Variants in ARHGEF40 observed in about 807,000 individuals in gnomAD.
ARHGEF40 encodes the protein Rho guanine nucleotide exchange factor (GEF) 40.
ARHGEF40 carries 98 observed loss-of-function variants against 165.9 expected under a neutral mutation model. That is an observed-to-expected ratio of 0.59 (90% confidence interval 0.50 to 0.70). The LOEUF (loss-of-function observed/expected upper bound fraction) is 0.70. Among genes scored for constraint, ARHGEF40 ranks in the 30% least tolerant of loss-of-function variants. The pLI, the probability that ARHGEF40 is intolerant of heterozygous loss-of-function variation, is 0.00. For synonymous variants in ARHGEF40, 792 were observed against 814.3 expected (o/e 0.97, Z 0.47); for missense variants, 1,815 against 1,968.0 (o/e 0.92, Z 1.47).
rs79674459 is a variant in ARHGEF40, at chr14:21,084,268, G to A, written c.3789+218G>A. On this transcript the variant is annotated intron_variant, in intron 17 of 23. Transcript: ENST00000298694. ...TATGTCCTCCCAACATCCCATGTTC[G>A]TACATCTGCCTTGTACTCTCCTGTT... Among the ~76,000 whole-genome samples, 1,054 of 152,226 alleles carry A rather than the reference G, an allele frequency of 6.9e-3. 10 individuals carry two copies. Among genetic ancestry groups the A allele is most frequent in the African/African-American group, 0.024 (977 of 41,530 alleles).
At position 21,088,021 on chromosome 14, in the gene ARHGEF40, C is replaced by G; in HGVS notation, c.4441C>G (p.Pro1481Ala). 1.2e-6 allele frequency: 2 copies of G among 1,614,086 alleles called. No homozygotes were observed. Among genetic ancestry groups the G allele is most frequent in the East Asian group, 4.5e-5 (2 of 44,870 alleles). ...GDVSPGPRNS[P>A]SLQPPHPGSS... is the part of the protein sequence containing the mutation. ...TGTGTCCCCAGGACCAAGAAACAGCCCCAGCCTGCAACCCCCCCACCCTGG... is the reference window on the plus strand; with the variant it reads ...TGTGTCCCCAGGACCAAGAAACAGCGCCAGCCTGCAACCCCCCCACCCTGG... The change falls in exon 22 of 24, where the codon CCC (proline) becomes GCC (alanine). Residue 1481 changes from proline (P) to alanine (A), a missense_variant. Transcript: ENST00000298694.
chr14:21,063,152 C>CA, the ARHGEF40 span, among the ~76,000 whole-genome samples: 1 of 151,588 alleles, frequency 6.6e-6, no homozygotes, highest in Non-Finnish European at 1.5e-5. Context: ...AAAGCAAAAA[C>CA]AAAAAACGGA....
chr14:21,070,081 G>A (rs1886563544), upstream of ARHGEF40, among the ~76,000 whole-genome samples: 1 of 152,078 alleles, frequency 6.6e-6, no homozygotes, highest in African/African-American at 2.4e-5. The surrounding 1 kb of genome is among the most constrained non-coding windows in gnomAD (Gnocchi z 4.7). Flanking sequence ...GAAGAAAGAA[G>A]GTTGCCGGTG....
In ARHGEF40 at chr14:21,082,405, G is replaced by C; in HGVS notation, c.3413G>C (p.Arg1138Pro). The C allele has an allele frequency of 6.2e-7, 1 of 1,611,386 alleles. No homozygotes were observed. The change falls in exon 15 of 24, where the codon CGG becomes CCG. Residue 1138 changes from arginine to proline, a missense_variant. Transcript: ENST00000298694. ...SARERLRSFH[R>P]THFLRELQGC... ...CGGGAAAGGCTTCGCAGCTTCCACCGGACACACTTTCTGCGGGAGCTTCAG... is the reference window on the plus strand; with the variant it reads ...CGGGAAAGGCTTCGCAGCTTCCACCCGACACACTTTCTGCGGGAGCTTCAG...
rs756905935 is a variant in ARHGEF40, at chr14:21,075,622, G to A, written c.1619-23G>A. 6.2e-7 allele frequency: 1 copy of A among 1,614,062 alleles called. No individual in the cohort carries two copies. Among genetic ancestry groups the A allele is most frequent in the Non-Finnish European group, 8.5e-7 (1 of 1,180,016 alleles). ...GCATGGACTGCTCCCAGCCAGGACA[G>A]CCTGGCCATTTTGTGTCTTCAGGAG... On this transcript the variant is annotated intron_variant, in intron 4 of 23. Coordinates refer to ENST00000298694, the MANE Select transcript of ARHGEF40 (RefSeq NM_018071.5). This position sits in a 1 kb window ranked among gnomAD's most constrained non-coding sequence, Gnocchi z 4.5.
At chr14:21,087,267 C>T in intron 20 of ARHGEF40, 53 bp from the exon 21 acceptor site, 1 of 1,589,514 alleles carries the variant, frequency 6.3e-7, no homozygotes, top group Non-Finnish European at 8.6e-7. Context: ...TCCAGGGAGC[C>T]AAGAGGGCTT....
At chr14:21,067,730 G>A (rs1028711002), upstream of ARHGEF40, among the ~76,000 whole-genome samples, 2 of 148,098 alleles carry the variant, frequency 1.4e-5, no homozygotes, top group African/African-American at 2.5e-5. Context: ...AAAAACACAC[G>A]TATCAACACA....
At position 21,081,768 on chromosome 14, in the gene ARHGEF40, G is replaced by A. The variant is rs772873829; in HGVS notation, c.2900G>A (p.Arg967Gln). Residue 967 changes from arginine (R) to glutamine (Q), a missense_variant, in exon 14 of 24, where the codon CGA becomes CAA. Transcript: ENST00000298694. The part of the protein sequence containing the change: ...GEEASPRGYR[R>Q]RRADGASSGG... ...GAGGCGAGCCCACGGGGCTACCGAC[G>A]ACGGCGGGCAGACGGTGCCAGCAGT... is the stretch of plus-strand genomic sequence containing the variant. The A allele has an allele frequency of 3.6e-5, 58 of 1,589,608 alleles. No individual in the cohort carries two copies. The highest frequency in any genetic ancestry group is 4.8e-5 in the Non-Finnish European group (56 of 1,168,954).
Position 21,070,797 on chromosome 14 carries a change from AG to A in ARHGEF40, c.3+400del. The A allele has an allele frequency of 1.3e-6, 2 of 1,534,358 alleles. No homozygotes were observed. On this transcript the variant is annotated intron_variant, in intron 1 of 23. Transcript: ENST00000298694. The surrounding 1 kb of genome is among the most constrained non-coding windows in gnomAD (Gnocchi z 4.7). Reference sequence around the variant, plus strand: ...GTTGGTCCTGCAGCGACCCTGGAAGAGGCCCGGCCCCTCGGGTCATGAGAAC... The same window carrying A: ...GTTGGTCCTGCAGCGACCCTGGAAGAGCCCGGCCCCTCGGGTCATGAGAAC...
chr14:21,069,249 G>A (rs1886481005), upstream of ARHGEF40, among the ~76,000 whole-genome samples: 1 of 152,190 alleles, frequency 6.6e-6, no homozygotes, highest in African/African-American at 2.4e-5. Flanking sequence ...GACACTGTCG[G>A]GGGACGCTCG....
upstream of ARHGEF40, among the ~76,000 whole-genome samples, chr14:21,069,090 C>T (rs1373947237): frequency 6.6e-6 from 1 of 152,278 alleles, no homozygotes; most frequent in Non-Finnish European, 1.5e-5. Flanking sequence ...CTCCTCTCCT[C>T]TCCCTTCCGT....
At chr14:21,081,217 A>G in intron 13 of ARHGEF40, 1 of 900,800 alleles carries the variant, frequency 1.1e-6, no homozygotes, top group Non-Finnish European at 1.6e-6. Flanking sequence ...GATCTACCTC[A>G]CAGGGCTGCT....
upstream of ARHGEF40, among the ~76,000 whole-genome samples, chr14:21,067,349 A>G (rs1182205876): frequency 1.3e-5 from 2 of 152,184 alleles, no homozygotes; most frequent in Non-Finnish European, 2.9e-5. Context: ...GGCTTCTACA[A>G]AAACAAATTT....
At position 21,070,912 on chromosome 14, in the gene ARHGEF40, T is replaced by A; in HGVS notation, c.3+513T>A. 6.6e-7 allele frequency: 1 copy of A among 1,510,180 alleles called. No individual in the cohort carries two copies. The highest frequency in any genetic ancestry group is 8.9e-7 in the Non-Finnish European group (1 of 1,124,458). 93.5% of individuals were successfully genotyped at this position (1,510,180 alleles called of 1,614,324 possible). On this transcript the variant is annotated intron_variant, in intron 1 of 23. Coordinates refer to ENST00000298694, the MANE Select transcript of ARHGEF40 (RefSeq NM_018071.5). The surrounding 1 kb of genome is among the most constrained non-coding windows in gnomAD (Gnocchi z 4.7). The stretch of plus-strand genomic sequence containing the variant: ...CCGGCCCTAGGGGACTGGCCACAGC[T>A]GTGGCTGGGCCGGGTCCCGGGGCAT...
At position 21,082,825 on chromosome 14, in the gene ARHGEF40, G is replaced by A; in HGVS notation, c.3487-6G>A. 6.2e-7 allele frequency: 1 copy of A among 1,613,980 alleles called. No homozygotes were observed. Among genetic ancestry groups the A allele is most frequent in the Non-Finnish European group, 8.5e-7 (1 of 1,179,920 alleles). Reference sequence around the variant, plus strand: ...GGGACTCCTTATCTGTTCTTTACTGGCACAGGGGGACCAGTTCAGCCTTTA... The same window carrying A: ...GGGACTCCTTATCTGTTCTTTACTGACACAGGGGGACCAGTTCAGCCTTTA... On this transcript the variant is annotated splice_region_variant and splice_polypyrimidine_tract_variant and intron_variant, in intron 15 of 23. Transcript: ENST00000298694.
intron 1 of ARHGEF40, among the ~76,000 whole-genome samples, chr14:21,071,065 A>T (rs1886789837): frequency 6.6e-6 from 1 of 152,128 alleles, no homozygotes; most frequent in Admixed American, 6.5e-5. Flanking sequence ...GGAGGAGGAA[A>T]GTGCCCCAGA....
At chr14:21,085,627 A>G (rs1451715623) in intron 18 of ARHGEF40, 62 bp from the exon 19 acceptor site, 2 of 1,563,946 alleles carry the variant, frequency 1.3e-6, no homozygotes, top group Middle Eastern at 2.3e-4. Context: ...AGTGCTTGCC[A>G]TGTGGCGCCA....
the ARHGEF40 span, among the ~76,000 whole-genome samples, chr14:21,064,764 A>G: frequency 6.6e-6 from 1 of 152,274 alleles, no homozygotes. Context: ...AACAAAGTCC[A>G]TAAGCGACTT....
In ARHGEF40 at chr14:21,072,415, A is replaced by G. The variant is rs114624788; in HGVS notation, c.4-630A>G. Reference sequence around the variant, plus strand: ...TGCTCTAAGATTGGGTGATTGCTTCAGAGCCACTGTGGGAGAAGGAAGAGG... The same window carrying G: ...TGCTCTAAGATTGGGTGATTGCTTCGGAGCCACTGTGGGAGAAGGAAGAGG... On this transcript the variant is annotated intron_variant, in intron 1 of 23. Transcript: ENST00000298694. This position sits in a 1 kb window ranked among gnomAD's most constrained non-coding sequence, Gnocchi z 4.1. 5.3e-3 allele frequency among the ~76,000 whole-genome samples: 800 copies of G among 152,336 alleles called. 12 individuals carry two copies. The highest frequency in any genetic ancestry group is 0.019 in the African/African-American group (772 of 41,570).
Sources: gnomAD v4.1 joint callset for allele counts (sites outside exome capture counted in the v4.1 genomes callset) on GRCh38, gnomAD v4.1.1 for gene constraint, Gnocchi (gnomAD v3.1) non-coding constraint, MANE v1.5 for transcripts, NCBI Gene and HGNC (gene_info 2026-07-23, HGNC 2026-07-21) for gene names.